Variants in CEP85 observed in about 807,000 individuals in gnomAD.
The protein encoded by CEP85 is centrosomal protein of 85 kDa.
Under a neutral mutation model 93.7 loss-of-function variants are expected in CEP85, and 58 were observed. The observed-to-expected ratio is 0.62, with a 90% CI of 0.50 to 0.77. CEP85 has a LOEUF of 0.77. CEP85 is among the 30% of genes least tolerant of loss of function. CEP85 has a pLI of 0.00. For missense variants in CEP85, 868 were observed against 922.0 expected (o/e 0.94, Z 0.76); for synonymous variants, 314 against 338.6 (o/e 0.93, Z 0.80).
intron 4 of CEP85, among the ~76,000 whole-genome samples, chr1:26,256,592 T>C (rs1475018739): frequency 2.2e-5 from 3 of 139,250 alleles, no homozygotes. Flanking sequence ...CTACCACTTT[T>C]GTATTTTCTT....
chr1:26,239,365 T>C (rs571931172), intron 1 of CEP85, among the ~76,000 whole-genome samples: 1 of 152,296 alleles, frequency 6.6e-6, no homozygotes, highest in African/African-American at 2.4e-5. Context: ...TTTTTTATTT[T>C]TTTTGAGATG....
In CEP85 at chr1:26,259,488, T is replaced by C. The variant is rs944464773; in HGVS notation, c.1156-129T>C. ...TGATGCTGTTAACCCTAAGACCTAG[T>C]TGAGAACCACTTCTTAAAGAGATTC... On this transcript the variant is annotated intron_variant, in intron 6 of 13. Transcript: ENST00000451429. The C allele has an allele frequency of 4.6e-6, 4 of 873,388 alleles. No homozygotes were observed. The African/African-American group carries it at 5.1e-5, about 11-fold the overall frequency. The allele number at this position is 873,388 out of a possible 1,614,324, so 54.1% of individuals were successfully genotyped here. A position where few individuals can be genotyped will look rare whatever the true frequency, so the allele number is the denominator to read the frequency against.
chr1:26,250,598 A>G (rs1388496297), intron 3 of CEP85, among the ~76,000 whole-genome samples: 1 of 152,244 alleles, frequency 6.6e-6, no homozygotes, highest in African/African-American at 2.4e-5. Flanking sequence ...AAATGTGGAC[A>G]AAGACCTCAC....
intron 1 of CEP85, among the ~76,000 whole-genome samples, chr1:26,235,811 A>G (rs2089318011): frequency 6.6e-6 from 1 of 152,068 alleles, no homozygotes; most frequent in African/African-American, 2.4e-5. Flanking sequence ...ACCTCAGGTG[A>G]TCCGCCCGCC....
chr1:26,248,883 C>A (rs942417120), intron 3 of CEP85, among the ~76,000 whole-genome samples: 1 of 151,620 alleles, frequency 6.6e-6, no homozygotes, highest in Admixed American at 6.6e-5. Flanking sequence ...CCCGCCACTA[C>A]GCCCGGCTAA....
chr1:26,240,162 C>G (rs966378083), intron 2 of CEP85, among the ~76,000 whole-genome samples: 1 of 152,164 alleles, frequency 6.6e-6, no homozygotes, highest in African/African-American at 2.4e-5. Flanking sequence ...TCTTTGTCCT[C>G]TGGGTGGGTC....
chr1:26,272,893 T>C (rs2089999676), intron 11 of CEP85, among the ~76,000 whole-genome samples: 1 of 152,174 alleles, frequency 6.6e-6, no homozygotes, highest in South Asian at 2.1e-4. Flanking sequence ...CCTCCCAAAG[T>C]GCTGGGATTA....
intron 7 of CEP85, chr1:26,263,234 G>T: frequency 6.3e-6 from 2 of 316,312 alleles, no homozygotes; most frequent in Non-Finnish European, 1.2e-5. Context: ...CCTCTGCTGT[G>T]CTGTTGACGA....
chr1:26,251,363 T>A (rs967070427), intron 3 of CEP85, among the ~76,000 whole-genome samples: 2 of 151,096 alleles, frequency 1.3e-5, no homozygotes, highest in African/African-American at 4.9e-5. Flanking sequence ...GCGATTCTCC[T>A]GCCTCAGCCT....
intron 7 of CEP85, among the ~76,000 whole-genome samples, chr1:26,265,789 T>A (rs2124600463): frequency 6.6e-6 from 1 of 152,328 alleles, no homozygotes; most frequent in South Asian, 2.1e-4. Flanking sequence ...AACATTAAAA[T>A]CTTTCATAGG....
At chr1:26,270,099 G>T (rs1304988764) in intron 9 of CEP85, among the ~76,000 whole-genome samples, 2 of 152,150 alleles carry the variant, frequency 1.3e-5, no homozygotes, top group African/African-American at 4.8e-5. Flanking sequence ...TATATCTTTG[G>T]CATGGAGTAT....
At chr1:26,260,510 A>AG (rs927349225) in intron 7 of CEP85, among the ~76,000 whole-genome samples, 4 of 151,746 alleles carry the variant, frequency 2.6e-5, no homozygotes, top group Non-Finnish European at 5.9e-5. Context: ...GGAAAAAAAA[A>AG]AAAAATTCCA....
At position 26,258,131 on chromosome 1, in the gene CEP85, C is replaced by G; in HGVS notation, c.1038-12C>G. On this transcript the variant is annotated splice_polypyrimidine_tract_variant and intron_variant, in intron 5 of 13. Transcript: ENST00000451429. ...CATCAGGACCCTGACCTGATTCTAC[C>G]GGCTTGTGCAGGCAGAGGAAACACA... 2 of 1,605,348 alleles carry G rather than the reference C, an allele frequency of 1.2e-6. No individual in the cohort carries two copies. Among genetic ancestry groups the G allele is most frequent in the Non-Finnish European group, 1.7e-6 (2 of 1,172,240 alleles).
intron 3 of CEP85, among the ~76,000 whole-genome samples, chr1:26,250,932 CTTTTTTTTTTT>C (rs869156420): frequency 5.7e-5 from 1 of 17,524 alleles, no homozygotes; most frequent in African/African-American, 1.9e-4. Flanking sequence ...TTTCTTTTTT[CTTTTTTTTTTT>C]TTTTTTTTTT....
At chr1:26,248,641 G>A (rs1035659052) in intron 3 of CEP85, among the ~76,000 whole-genome samples, 5 of 149,846 alleles carry the variant, frequency 3.3e-5, no homozygotes, top group South Asian at 2.1e-4. Flanking sequence ...GATTACAGGC[G>A]TGTACCACCA....
rs1337602154 is a variant in CEP85, at chr1:26,259,524, A to G, written c.1156-93A>G. On this transcript the variant is annotated intron_variant, in intron 6 of 13. Transcript: ENST00000451429. ...TTCTTAAAGAGATTCTTGGAGAAAA[A>G]TGATATTTGACCGTGAAGTATGCTG... is the stretch of plus-strand genomic sequence containing the variant. The G allele has an allele frequency of 4.2e-6, 5 of 1,199,110 alleles. No homozygotes were observed. In the African/African-American group the frequency reaches 6.1e-5, roughly 15 times the overall value. The allele number at this position is 1,199,110 out of a possible 1,614,324, so 74.3% of individuals were successfully genotyped here.
At chr1:26,245,006 C>T (rs750035179) in intron 3 of CEP85, among the ~76,000 whole-genome samples, 1 of 152,066 alleles carries the variant, frequency 6.6e-6, no homozygotes, top group Non-Finnish European at 1.5e-5. Context: ...AACATATTTC[C>T]TGCTGTCACC....
rs760089512 is a variant in CEP85 at position 26,257,587 on chromosome 1, T to C, written c.904-10T>C. ...AAGATCAAGCTCATCTGGGCCTACT[T>C]GCCTTTCAGCTTCAGAATGGAGCCA... On this transcript the variant is annotated splice_polypyrimidine_tract_variant and intron_variant, in intron 4 of 13. Coordinates refer to ENST00000451429, the MANE Select transcript of CEP85 (RefSeq NM_001319944.2). 1 of 1,613,978 alleles carries C rather than the reference T, an allele frequency of 6.2e-7. No individual in the cohort carries two copies. The highest frequency in any genetic ancestry group is 2.2e-5 in the East Asian group (1 of 44,886).
At chr1:26,264,730 G>C (rs1290037984) in intron 7 of CEP85, among the ~76,000 whole-genome samples, 1 of 152,126 alleles carries the variant, frequency 6.6e-6, no homozygotes, top group Non-Finnish European at 1.5e-5. Context: ...GGAGAGGCTA[G>C]AGGCAGGAAT....
Sources: gnomAD v4.1 joint callset for allele counts (sites outside exome capture counted in the v4.1 genomes callset) on GRCh38, gnomAD v4.1.1 for gene constraint, MANE v1.5 for transcripts, NCBI Gene and HGNC (gene_info 2026-07-23, HGNC 2026-07-21) for gene names.